The following SLC41A2 variants were observed in gnomAD, a reference collection of about 807,000 sequenced individuals.
SLC41A2 encodes SLC41A1-like 1.
Under a neutral mutation model 58.3 loss-of-function variants are expected in SLC41A2, and 32 were observed. The ratio of observed to expected loss-of-function variants is 0.55; its 90% CI spans 0.41 to 0.74. The LOEUF (loss-of-function observed/expected upper bound fraction) is 0.74. Ranked by LOEUF, SLC41A2 falls within the 30% of genes least tolerant of loss-of-function variation. The pLI is 0.00. For missense variants in SLC41A2, 514 were observed against 680.6 expected, an observed-to-expected ratio of 0.76 and a Z score of 2.72; for synonymous variants, 190 against 235.0, an observed-to-expected ratio of 0.81 and a Z score of 1.75.
At chr12:104,807,025 C>T (rs2136186570) in intron 10 of SLC41A2, among the ~76,000 whole-genome samples, 1 of 152,294 alleles carries the variant, frequency 6.6e-6, no homozygotes, top group African/African-American at 2.4e-5. Flanking sequence ...TGCTTGTTCA[C>T]TCTGATGGTA....
chr12:104,909,839 C>A, intron 2 of SLC41A2, 77 bp from the exon 3 acceptor site: 1 of 1,030,294 alleles, frequency 9.7e-7, no homozygotes, highest in Non-Finnish European at 1.4e-6. Context: ...TTCTAAAAAT[C>A]TCAGCCTTTT....
intron 4 of SLC41A2, among the ~76,000 whole-genome samples, chr12:104,889,919 A>G (rs988439364): frequency 7.2e-5 from 11 of 152,088 alleles, no homozygotes; most frequent in African/African-American, 1.9e-4. Flanking sequence ...AAAACCTGCC[A>G]CTAAGAAATA....
At chr12:104,930,841 T>C (rs2135898543) in intron 1 of SLC41A2, among the ~76,000 whole-genome samples, 1 of 152,400 alleles carries the variant, frequency 6.6e-6, no homozygotes, top group Non-Finnish European at 1.5e-5. Flanking sequence ...ATCAGTCATC[T>C]CGCAGAATAT....
At position 104,898,983 on chromosome 12, in the gene SLC41A2, G is replaced by A. The variant is rs768546942; in HGVS notation, c.664-3638C>T. Among the ~76,000 whole-genome samples, 81 of 152,268 alleles carry A rather than the reference G, an allele frequency of 5.3e-4. 1 individual carries two copies. The highest frequency in any genetic ancestry group is 4.8e-3 in the Admixed American group (74 of 15,290). ...AGAACACTGACAATACCAAATGCTG[G>A]TAACAATGTAGAGCAACAGGAACTC... On this transcript the variant is annotated intron_variant, in intron 3 of 10. Coordinates refer to ENST00000258538, the MANE Select transcript of SLC41A2 (RefSeq NM_001352171.3).
At chr12:104,805,591 A>T (rs1381354509) in intron 10 of SLC41A2, among the ~76,000 whole-genome samples, 2 of 152,244 alleles carry the variant, frequency 1.3e-5, no homozygotes, top group African/African-American at 4.8e-5. Context: ...CCCAATAGCC[A>T]TAATAATTTG....
At chr12:104,873,596 A>G (rs1477820016) in intron 6 of SLC41A2, among the ~76,000 whole-genome samples, 1 of 152,014 alleles carries the variant, frequency 6.6e-6, no homozygotes, top group African/African-American at 2.4e-5. Flanking sequence ...TTTTTGAGGA[A>G]CCTCCATACT....
intron 1 of SLC41A2, among the ~76,000 whole-genome samples, chr12:104,953,711 T>C (rs983937969): frequency 6.6e-5 from 10 of 152,196 alleles, no homozygotes; most frequent in African/African-American, 2.4e-4. Context: ...CCAATCCAGC[T>C]TTACCGGAAA....
intron 10 of SLC41A2, among the ~76,000 whole-genome samples, chr12:104,825,906 G>T (rs922960860): frequency 6.6e-6 from 1 of 152,184 alleles, no homozygotes; most frequent in Non-Finnish European, 1.5e-5. Flanking sequence ...GGAGGCATAG[G>T]TGACAGCGTT....
chr12:104,808,715 T>A (rs907026688), intron 10 of SLC41A2, among the ~76,000 whole-genome samples: 11 of 152,228 alleles, frequency 7.2e-5, no homozygotes, highest in African/African-American at 1.9e-4. Context: ...TTTTGGTTGG[T>A]AAGCTATTGA....
At chr12:104,938,628 A>G (rs2047378420) in intron 1 of SLC41A2, among the ~76,000 whole-genome samples, 1 of 152,212 alleles carries the variant, frequency 6.6e-6, no homozygotes, top group South Asian at 2.1e-4. Context: ...CTGGGTCCCA[A>G]GACAACGACA....
intron 8 of SLC41A2, among the ~76,000 whole-genome samples, chr12:104,858,359 C>T (rs767585521): frequency 3.3e-5 from 5 of 151,910 alleles, no homozygotes; most frequent in Non-Finnish European, 7.4e-5. Flanking sequence ...GGTTTTCAAT[C>T]GTGACTCACC....
At chr12:104,858,466 A>G (rs2043095296) in intron 8 of SLC41A2, among the ~76,000 whole-genome samples, 1 of 152,214 alleles carries the variant, frequency 6.6e-6, no homozygotes, top group African/African-American at 2.4e-5. Flanking sequence ...TACCTGGTAC[A>G]TAGTGGTAGG....
chr12:104,822,565 T>C (rs1244433951), intron 10 of SLC41A2, among the ~76,000 whole-genome samples: 1 of 152,140 alleles, frequency 6.6e-6, no homozygotes, highest in African/African-American at 2.4e-5. Flanking sequence ...TAATAAGGAA[T>C]ATATGCTGTT....
At chr12:104,855,265 C>T (rs1270164405) in intron 8 of SLC41A2, among the ~76,000 whole-genome samples, 2 of 152,092 alleles carry the variant, frequency 1.3e-5, no homozygotes, top group Admixed American at 6.5e-5. Context: ...CAAAGACTTA[C>T]ACTACAAAAA....
chr12:104,957,932 G>C (rs1350271493), intron 1 of SLC41A2, among the ~76,000 whole-genome samples, 156 bp downstream of exon 1: 3 of 151,944 alleles, frequency 2.0e-5, no homozygotes, highest in Non-Finnish European at 4.4e-5. Flanking sequence ...GGCGTCCGCA[G>C]GGGGCACGGC....
chr12:104,861,767 C>T (rs2043221183), intron 7 of SLC41A2, among the ~76,000 whole-genome samples: 1 of 152,072 alleles, frequency 6.6e-6, no homozygotes, highest in South Asian at 2.1e-4. Flanking sequence ...TGCCATTGAT[C>T]ACTCTTATAA....
chr12:104,956,351 T>A (rs1168937600), intron 1 of SLC41A2, among the ~76,000 whole-genome samples: 1 of 152,176 alleles, frequency 6.6e-6, no homozygotes, highest in Non-Finnish European at 1.5e-5. Flanking sequence ...CAGAAATTTT[T>A]TTCCATAAAT....
chr12:104,818,022 A>G (rs1245202781), intron 10 of SLC41A2, among the ~76,000 whole-genome samples: 1 of 152,234 alleles, frequency 6.6e-6, no homozygotes, highest in Non-Finnish European at 1.5e-5. Flanking sequence ...TGAGGAATGG[A>G]TATGTTAATT....
At chr12:104,933,024 A>C (rs551750247) in intron 1 of SLC41A2, among the ~76,000 whole-genome samples, 1 of 152,288 alleles carries the variant, frequency 6.6e-6, no homozygotes, top group South Asian at 2.1e-4. Flanking sequence ...ATAAAAATAA[A>C]TAAATAAATG....
Sources: gnomAD v4.1 joint callset for allele counts (sites outside exome capture counted in the v4.1 genomes callset) on GRCh38, gnomAD v4.1.1 for gene constraint, MANE v1.5 for transcripts, NCBI Gene and HGNC (gene_info 2026-07-23, HGNC 2026-07-21) for gene names.